Variants in FRK observed in about 807,000 individuals in gnomAD.
The protein encoded by FRK is fyn related Src family tyrosine kinase.
FRK carries 51 observed loss-of-function variants against 56.4 expected under a neutral mutation model. The observed-to-expected ratio is 0.90, with a 90% confidence interval of 0.72 to 1.14. The LOEUF is 1.14. FRK is among the 50% of genes most tolerant of loss of function. The pLI is 0.00. For missense variants in FRK, 570 were observed against 601.4 expected, an observed-to-expected ratio of 0.95 and a Z score of 0.55; for synonymous variants, 245 against 217.9, an observed-to-expected ratio of 1.12 and a Z score of -1.10.
intron 2 of FRK, among the ~76,000 whole-genome samples, chr6:115,975,818 A>G (rs1467667632): frequency 2.0e-5 from 3 of 152,168 alleles, no homozygotes; most frequent in Non-Finnish European, 2.9e-5. Flanking sequence ...ACCTAGGGAG[A>G]AATGTTTCAC....
rs1777554863 is a variant in FRK, at chr6:116,059,967, C to T, written c.344+1G>A. 1 of 1,611,732 alleles carries T rather than the reference C, an allele frequency of 6.2e-7. No individual in the cohort carries two copies. On this transcript the variant is annotated splice_donor_variant, in intron 1 of 7. Coordinates refer to ENST00000606080, the MANE Select transcript of FRK (RefSeq NM_002031.3). LOFTEE classifies it high-confidence loss of function. ...ATTAAGTATAAGTTTGTACTACTCA[C>T]GGCTCTGCCTGTAGGCTTCTGTCCT...
intron 2 of FRK, among the ~76,000 whole-genome samples, chr6:115,975,172 T>C (rs1582668653): frequency 6.6e-6 from 1 of 152,178 alleles, no homozygotes; most frequent in East Asian, 1.9e-4. Context: ...CCTCAGGATA[T>C]AAACACTACT....
At chr6:116,016,647 G>T (rs1241674913) in intron 1 of FRK, among the ~76,000 whole-genome samples, 1 of 152,066 alleles carries the variant, frequency 6.6e-6, no homozygotes, top group Non-Finnish European at 1.5e-5. Context: ...AATGAAGCAG[G>T]TGCCCCCAGG....
chr6:115,986,835 C>T (rs746001252), intron 2 of FRK, among the ~76,000 whole-genome samples: 1 of 152,120 alleles, frequency 6.6e-6, no homozygotes, highest in Non-Finnish European at 1.5e-5. Flanking sequence ...GGTTATACAT[C>T]GAGTAATGTG....
chr6:115,971,775 G>C (rs1410898153), intron 2 of FRK, among the ~76,000 whole-genome samples: 1 of 152,160 alleles, frequency 6.6e-6, no homozygotes, highest in Non-Finnish European at 1.5e-5. Context: ...TCCTTCCCCA[G>C]CTCGGTCTGG....
At chr6:116,045,710 A>G (rs1046877351) in intron 1 of FRK, among the ~76,000 whole-genome samples, 10 of 152,196 alleles carry the variant, frequency 6.6e-5, no homozygotes, top group African/African-American at 2.4e-4. Context: ...CCTAGGCAAT[A>G]TCATTCAGGA....
chr6:116,061,504 T>C (rs1198301956), upstream of FRK, among the ~76,000 whole-genome samples: 1 of 152,002 alleles, frequency 6.6e-6, no homozygotes, highest in African/African-American at 2.4e-5. Flanking sequence ...TGCACACTGC[T>C]GTGGGGGCTC....
At chr6:115,958,778 A>AG (rs1773197054) in intron 4 of FRK, among the ~76,000 whole-genome samples, 1 of 94,926 alleles carries the variant, frequency 1.1e-5, no homozygotes, top group African/African-American at 3.9e-5. Flanking sequence ...AGGGGGGGGA[A>AG]GGAGAGAGAG....
At chr6:116,049,220 C>T (rs1316471924) in intron 1 of FRK, among the ~76,000 whole-genome samples, 2 of 152,022 alleles carry the variant, frequency 1.3e-5, no homozygotes, top group African/African-American at 4.8e-5. Context: ...GCTATTTTTC[C>T]AGATTTGTTT....
chr6:116,020,192 A>G (rs1489803862), intron 1 of FRK, among the ~76,000 whole-genome samples: 1 of 152,200 alleles, frequency 6.6e-6, no homozygotes, highest in East Asian at 1.9e-4. Flanking sequence ...GAAGACAAAG[A>G]CTACCATAAA....
chr6:115,980,963 T>A (rs1774177037), intron 2 of FRK, among the ~76,000 whole-genome samples: 1 of 152,160 alleles, frequency 6.6e-6, no homozygotes, highest in African/African-American at 2.4e-5. Flanking sequence ...TTTGTCTTTT[T>A]TATGTTTAGC....
chr6:115,942,487 G>C lies in FRK; in HGVS notation c.1445C>G (p.Thr482Arg), dbSNP rs1224621956. 2.5e-6 allele frequency: 4 copies of C among 1,613,764 alleles called. No individual in the cohort carries two copies. Among genetic ancestry groups the C allele is most frequent in the Non-Finnish European group, 3.4e-6 (4 of 1,179,750 alleles). Residue 482 changes from threonine to arginine, a missense_variant, in exon 8 of 8, where the codon ACA becomes AGA. Physicochemically the swap from Thr to Arg is moderately conservative, Grantham distance 71. Coordinates refer to ENST00000606080, the MANE Select transcript of FRK (RefSeq NM_002031.3). The part of the protein sequence containing the change: ...AEPKERPTFE[T>R]LRWKLEDYFE... ...ATAGTCTTCAAGTTTCCAACGCAGT[G>C]TCTCAAATGTAGGTCGTTCCTTAGG...
intron 2 of FRK, among the ~76,000 whole-genome samples, chr6:115,996,489 T>C (rs191483896): frequency 8.3e-4 from 126 of 152,248 alleles, no homozygotes; most frequent in African/African-American, 2.8e-3. Flanking sequence ...TGATTGTGTT[T>C]CCTCTACAAA....
Position 116,060,200 on chromosome 6 carries a change from G to C in FRK, c.112C>G (p.Pro38Ala), listed in dbSNP as rs1777575116. ...TAGTGGCCATGCCTCTGTGACTGGGGAGAGCAAAGGGCCCCTGGATTTTCA... is the reference window on the plus strand; with the variant it reads ...TAGTGGCCATGCCTCTGTGACTGGGCAGAGCAAAGGGCCCCTGGATTTTCA... ...VIENPGALCS[P>A]QSQRHGHYFV... The change falls in exon 1 of 8, where the codon CCC becomes GCC. Residue 38 changes from proline to alanine, a missense_variant. Transcript: ENST00000606080. 1 of 1,614,042 alleles carries C rather than the reference G, an allele frequency of 6.2e-7. No individual in the cohort carries two copies. Among genetic ancestry groups the C allele is most frequent in the Non-Finnish European group, 8.5e-7 (1 of 1,180,038 alleles).
intron 2 of FRK, among the ~76,000 whole-genome samples, chr6:115,994,291 AT>A: frequency 1.4e-5 from 2 of 140,112 alleles, no homozygotes; most frequent in Middle Eastern, 7.8e-3. Context: ...AAGTTGGGAA[AT>A]TTTGTTATTG....
intron 1 of FRK, among the ~76,000 whole-genome samples, chr6:116,024,362 C>T (rs1210989021): frequency 6.6e-6 from 1 of 151,054 alleles, no homozygotes; most frequent in Admixed American, 6.6e-5. Context: ...TGCGCTGCAC[C>T]CACTAACTCG....
At chr6:116,067,227 G>A in the FRK span, among the ~76,000 whole-genome samples, 1 of 152,164 alleles carries the variant, frequency 6.6e-6, no homozygotes, top group African/African-American at 2.4e-5. Flanking sequence ...GCTAGCTATA[G>A]AGCATGGCAC....
chr6:115,949,775 CA>C (rs1445333971), intron 5 of FRK, among the ~76,000 whole-genome samples: 7 of 151,826 alleles, frequency 4.6e-5, no homozygotes, highest in Non-Finnish European at 1.0e-4. Context: ...TACCTGACTT[CA>C]AACTATACTA....
At chr6:116,080,439 C>T in the FRK span, among the ~76,000 whole-genome samples, 1 of 152,190 alleles carries the variant, frequency 6.6e-6, no homozygotes, top group Non-Finnish European at 1.5e-5. Context: ...CAGGCGTGAG[C>T]CATTGCACTG....
Sources: allele counts gnomAD v4.1 joint callset (sites outside exome capture counted in the v4.1 genomes callset), GRCh38; gene constraint gnomAD v4.1.1; transcripts MANE v1.5; gene names NCBI Gene and HGNC (gene_info 2026-07-23, HGNC 2026-07-21).